Variants in DKK3 observed in about 807,000 individuals in gnomAD.
DKK3 encodes dickkopf Wnt signaling pathway inhibitor 3, also known as dickkopf-related protein 3.
In DKK3, 22 loss-of-function variants were observed where a neutral mutation model predicts 33.2. The observed-to-expected ratio is 0.66, with a 90% confidence interval of 0.47 to 0.95. The LOEUF (loss-of-function observed/expected upper bound fraction) is 0.95. Ranked by LOEUF, DKK3 falls within the 40% of genes least tolerant of loss-of-function variation. The probability of loss-of-function intolerance (pLI) is 0.00; values close to 1 mark genes in which losing one functional copy is unlikely to be tolerated. For missense variants in DKK3, 398 were observed against 458.4 expected, an observed-to-expected ratio of 0.87 and a Z score of 1.20; for synonymous variants, 194 against 188.8, an observed-to-expected ratio of 1.03 and a Z score of -0.23.
At chr11:12,002,219 G>GAA in intron 2 of DKK3, 81 bp downstream of exon 2, 82 of 1,399,936 alleles carry the variant, frequency 5.9e-5, no homozygotes, top group Middle Eastern at 1.9e-4. Context: ...TATCACATAT[G>GAA]AAAAAACAAA....
At chr11:11,987,169 C>T (rs1367307381) in intron 3 of DKK3, among the ~76,000 whole-genome samples, 1 of 152,160 alleles carries the variant, frequency 6.6e-6, no homozygotes, top group Non-Finnish European at 1.5e-5. Context: ...TCAGACAATC[C>T]TTTATGAACT....
At chr11:12,001,129 C>T (rs901206598) in intron 2 of DKK3, among the ~76,000 whole-genome samples, 1 of 152,174 alleles carries the variant, frequency 6.6e-6, no homozygotes, top group Non-Finnish European at 1.5e-5. Context: ...AAGAAGCAAC[C>T]AAACCTGTTG....
intron 3 of DKK3, among the ~76,000 whole-genome samples, chr11:11,994,390 G>A (rs759619229): frequency 2.9e-4 from 44 of 152,098 alleles, no homozygotes; most frequent in Non-Finnish European, 5.7e-4. Context: ...GGCTCGAACC[G>A]AGGTCTGCAT....
At chr11:11,994,778 C>T (rs1397618012) in intron 3 of DKK3, 1 of 152,206 alleles carries the variant, frequency 6.6e-6, no homozygotes, top group Non-Finnish European at 1.5e-5. Flanking sequence ...ACACTTTCCT[C>T]TCCCACTTTC....
chr11:11,981,658 A>G (rs1428057929), intron 3 of DKK3, among the ~76,000 whole-genome samples: 2 of 152,112 alleles, frequency 1.3e-5, no homozygotes, highest in Non-Finnish European at 2.9e-5. Flanking sequence ...CAGAAGCATA[A>G]TCATGGTGGG....
At chr11:11,996,915 C>A (rs983041411) in intron 3 of DKK3, among the ~76,000 whole-genome samples, 1 of 152,238 alleles carries the variant, frequency 6.6e-6, no homozygotes, top group East Asian at 1.9e-4. Flanking sequence ...CACAGGGGCA[C>A]ACAAGGCCAT....
At chr11:12,003,226 A>C (rs76603154) in intron 1 of DKK3, among the ~76,000 whole-genome samples, 1,531 of 152,240 alleles carry the variant, frequency 0.01, 25 homozygotes, top group African/African-American at 0.033. Flanking sequence ...TGGTGGTGGT[A>C]GGGGCAGGGG....
In DKK3 at chr11:12,008,023, T is replaced by G. The variant is rs920909473; in HGVS notation, c.213+347A>C. Among the ~76,000 whole-genome samples the G allele has an allele frequency of 7.2e-5, 11 of 152,274 alleles. No homozygotes were observed. Among genetic ancestry groups the G allele is most frequent in the Admixed American group, 4.6e-4 (7 of 15,306 alleles). The stretch of plus-strand genomic sequence containing the variant: ...GTCCCGGGTTTCTGTGAAACCACAG[T>G]GCTGGAATACCAGGGGCCCTGCAAA... On this transcript the variant is annotated intron_variant, in intron 1 of 6. Coordinates refer to ENST00000683431, the MANE Select transcript of DKK3 (RefSeq NM_001018057.2). The surrounding 1 kb of genome is among the most constrained non-coding windows in gnomAD (Gnocchi z 4.6).
chr11:11,997,608 G>T (rs1037493000), intron 3 of DKK3, among the ~76,000 whole-genome samples: 1 of 152,090 alleles, frequency 6.6e-6, no homozygotes, highest in African/African-American at 2.4e-5. Flanking sequence ...ACAAAGTGGG[G>T]CTTCTAGACT....
chr11:12,006,843 T>C (rs576611218), intron 1 of DKK3, among the ~76,000 whole-genome samples: 5 of 152,170 alleles, frequency 3.3e-5, no homozygotes, highest in African/African-American at 4.8e-5. Context: ...TTAGTCAGTC[T>C]TACCGGGAAT....
chr11:11,968,934 G>A (rs1053449639), intron 3 of DKK3, among the ~76,000 whole-genome samples: 5 of 152,218 alleles, frequency 3.3e-5, no homozygotes, highest in African/African-American at 9.6e-5. Flanking sequence ...AGGGGGCATC[G>A]CTAGGGACCC....
chr11:11,966,892 G>C (rs919224065), intron 5 of DKK3, 62 bp downstream of exon 5: 1 of 1,584,776 alleles, frequency 6.3e-7, no homozygotes, highest in East Asian at 2.2e-5. Context: ...GTGGCTCCAG[G>C]AGGTCCAGTG....
At chr11:11,965,724 A>G in intron 6 of DKK3, 85 bp downstream of exon 6, 1 of 1,510,008 alleles carries the variant, frequency 6.6e-7, no homozygotes, top group Non-Finnish European at 8.9e-7. Context: ...TCCCCCAGGG[A>G]AAACCTGCTC....
chr11:11,964,368 G>T lies in DKK3; in HGVS notation c.*96C>A. 1 of 1,456,614 alleles carries T rather than the reference G, an allele frequency of 6.9e-7. No homozygotes were observed. The highest frequency in any genetic ancestry group is 9.2e-7 in the Non-Finnish European group (1 of 1,084,194). 90.2% of individuals were successfully genotyped at this position (1,456,614 alleles called of 1,614,324 possible). A position where few individuals can be genotyped will look rare whatever the true frequency, so the allele number is the denominator to read the frequency against. On this transcript the variant is annotated 3_prime_UTR_variant, in exon 7 of 7. Transcript: ENST00000683431. ...AGGGGAAACTTACTGGGAAGAAGATGTAGGAAGAAGCCTGGTCAGCCCACG... is the reference window on the plus strand; with the variant it reads ...AGGGGAAACTTACTGGGAAGAAGATTTAGGAAGAAGCCTGGTCAGCCCACG...
rs551743523 is a variant in DKK3, at chr11:11,993,957, C to G, written c.435+4739G>C. Among the ~76,000 whole-genome samples the G allele has an allele frequency of 2.6e-5, 4 of 152,250 alleles. 1 individual carries two copies. The South Asian group carries it at 8.3e-4, about 32-fold the overall frequency. ...CCTATCCTTCCCTTTGTCTGTATCC[C>G]CAATCCTCAACCTAGACATATAGGA... On this transcript the variant is annotated intron_variant, in intron 3 of 6. Coordinates refer to ENST00000683431, the MANE Select transcript of DKK3 (RefSeq NM_001018057.2).
At chr11:11,997,049 T>C (rs1357210554) in intron 3 of DKK3, among the ~76,000 whole-genome samples, 1 of 152,178 alleles carries the variant, frequency 6.6e-6, no homozygotes, top group Non-Finnish European at 1.5e-5. Flanking sequence ...TCAATTCCCC[T>C]GACTAAAAGG....
chr11:11,997,748 C>T (rs148320829), intron 3 of DKK3, among the ~76,000 whole-genome samples: 173 of 152,242 alleles, frequency 1.1e-3, no homozygotes, highest in Middle Eastern at 3.4e-3. Flanking sequence ...TCGGCCAGCT[C>T]CCGACATTTG....
chr11:12,007,595 C>G (rs903033511), intron 1 of DKK3, among the ~76,000 whole-genome samples: 1 of 152,190 alleles, frequency 6.6e-6, no homozygotes, highest in African/African-American at 2.4e-5. Context: ...TGCTAAGGTA[C>G]GTGGTATCTG....
Position 12,008,421 on chromosome 11 carries a change from A to C in DKK3, c.162T>G (p.Val54=), listed in dbSNP as rs1199632578. The change falls in exon 1 of 7, where the codon GTT becomes GTG. Residue 54 remains valine, a synonymous_variant. Coordinates refer to ENST00000683431, the MANE Select transcript of DKK3 (RefSeq NM_001018057.2). The surrounding 1 kb of genome is among the most constrained non-coding windows in gnomAD (Gnocchi z 4.6). ...GCTGCGTGTCCTCCATCAGTTCCTCAACCTCGCGGAACATCTCATTGAGGG... is the reference window on the plus strand; with the variant it reads ...GCTGCGTGTCCTCCATCAGTTCCTCCACCTCGCGGAACATCTCATTGAGGG... The part of the protein sequence containing the change: ...EATLNEMFRE[V]EELMEDTQHK... The C allele has an allele frequency of 6.2e-7, 1 of 1,610,772 alleles. No individual in the cohort carries two copies.
Sources: gnomAD v4.1 joint callset for allele counts (sites outside exome capture counted in the v4.1 genomes callset) on GRCh38, gnomAD v4.1.1 for gene constraint, Gnocchi (gnomAD v3.1) non-coding constraint, MANE v1.5 for transcripts, NCBI Gene and HGNC (gene_info 2026-07-23, HGNC 2026-07-21) for gene names.